The following PTPDC1 variants were observed in gnomAD, a reference collection of about 807,000 sequenced individuals.
The protein encoded by PTPDC1 is protein tyrosine phosphatase domain containing 1.
In PTPDC1, 53 loss-of-function variants were observed where a neutral mutation model predicts 75.3. That is an observed-to-expected ratio of 0.70 (90% CI 0.56 to 0.88). The LOEUF is 0.88. Among genes scored for constraint, PTPDC1 ranks in the 40% least tolerant of loss-of-function variants. PTPDC1 has a pLI of 0.00. For missense variants in PTPDC1, 925 were observed against 998.6 expected (o/e 0.93, Z 0.99); for synonymous variants, 349 against 366.2 (o/e 0.95, Z 0.54).
At chr9:94,079,427 G>T (rs1264506687) in intron 2 of PTPDC1, among the ~76,000 whole-genome samples, 4 of 152,132 alleles carry the variant, frequency 2.6e-5, no homozygotes, top group Admixed American at 2.0e-4. Flanking sequence ...CAAAGCCCTG[G>T]GTCATCTGTT....
At chr9:94,070,891 A>G (rs1298519406) in intron 2 of PTPDC1, among the ~76,000 whole-genome samples, 1 of 152,180 alleles carries the variant, frequency 6.6e-6, no homozygotes, top group Non-Finnish European at 1.5e-5. Flanking sequence ...TGGATGTACC[A>G]CAGTGTGTTT....
intron 1 of PTPDC1, among the ~76,000 whole-genome samples, chr9:94,054,603 G>A (rs1432531639): frequency 6.6e-6 from 1 of 151,898 alleles, no homozygotes; most frequent in East Asian, 1.9e-4. Context: ...TAAAAATTTG[G>A]ATTAAAAAAT....
At chr9:94,062,879 A>G (rs780619532) in intron 1 of PTPDC1, among the ~76,000 whole-genome samples, 5 of 152,222 alleles carry the variant, frequency 3.3e-5, no homozygotes, top group African/African-American at 4.8e-5. Context: ...AATAGACTCA[A>G]GGAACTCAGT....
At chr9:94,069,721 G>C (rs1564019651) in intron 2 of PTPDC1, among the ~76,000 whole-genome samples, 2 of 150,960 alleles carry the variant, frequency 1.3e-5, no homozygotes, top group East Asian at 3.9e-4. Context: ...CACCATGTTG[G>C]CCAGGCTGGT....
chr9:94,039,264 T>G (rs1246064388), intron 1 of PTPDC1, among the ~76,000 whole-genome samples: 1 of 152,176 alleles, frequency 6.6e-6, no homozygotes, highest in Non-Finnish European at 1.5e-5. Context: ...CTCAATTTTT[T>G]TATTCATTCT....
chr9:94,089,278 G>A (rs1827198890), intron 4 of PTPDC1, among the ~76,000 whole-genome samples: 1 of 142,260 alleles, frequency 7.0e-6, no homozygotes, highest in Non-Finnish European at 1.5e-5. Flanking sequence ...CCCTTCCTGT[G>A]TCCATGTAAT....
At chr9:94,053,760 C>T (rs911139157) in intron 1 of PTPDC1, among the ~76,000 whole-genome samples, 2 of 152,186 alleles carry the variant, frequency 1.3e-5, no homozygotes, top group Non-Finnish European at 2.9e-5. Context: ...AAATCTGTCA[C>T]ATAGAAAATG....
upstream of PTPDC1, among the ~76,000 whole-genome samples, chr9:94,083,432 G>A (rs982279469): frequency 2.0e-5 from 3 of 151,770 alleles, no homozygotes; most frequent in Admixed American, 2.0e-4. Context: ...TTTAAAAGGA[G>A]CTTGGTATAG....
At chr9:94,051,818 T>G (rs1251208492) in intron 1 of PTPDC1, among the ~76,000 whole-genome samples, 1 of 152,326 alleles carries the variant, frequency 6.6e-6, no homozygotes, top group South Asian at 2.1e-4. Flanking sequence ...TGATAACCTC[T>G]TTTATTCTTG....
upstream of PTPDC1, among the ~76,000 whole-genome samples, chr9:94,082,258 G>A (rs72618202): frequency 0.049 from 7,409 of 152,302 alleles, 253 homozygotes; most frequent in East Asian, 0.15. Flanking sequence ...TAACTCCTCC[G>A]TGGACTTAAG....
rs541832610 is a variant in PTPDC1 at position 94,035,726 on chromosome 9, A to G, written c.-7+4599A>G. On this transcript the variant is annotated intron_variant, in intron 1 of 9. Coordinates refer to the PTPDC1 transcript ENST00000375360. ...GACTGCCGAATAGAGTGGTAGTCCT[A>G]TTTTTAATTTTTTGAGGAAACTTTA... Among the ~76,000 whole-genome samples the G allele has an allele frequency of 5.3e-5, 8 of 152,328 alleles. No individual in the cohort carries two copies. In the East Asian group the frequency reaches 1.5e-3, roughly 29 times the overall value.
chr9:94,092,551 G>A (rs1341993955), intron 4 of PTPDC1, among the ~76,000 whole-genome samples: 8 of 151,788 alleles, frequency 5.3e-5, no homozygotes, highest in Admixed American at 2.0e-4. Flanking sequence ...TGAAAAAAAT[G>A]TATATTCTGT....
rs200873026 is a variant in PTPDC1, at chr9:94,036,023, G to GTTTTTTTTTTTTTTTTTT, written c.-7+4907_-7+4908insTTTTTTTTTTTTTTTTTT. Among the ~76,000 whole-genome samples the GTTTTTTTTTTTTTTTTTT allele has an allele frequency of 4.7e-5, 4 of 85,578 alleles. 1 individual carries two copies. The highest frequency in any genetic ancestry group is 1.6e-4 in the African/African-American group (3 of 19,246). The allele number at this position is 85,578 out of a possible 152,430, so 56.1% of individuals were successfully genotyped here. ...TTGCCCATTTTTAATCGGATTATTTGTTTTTTTTTTTGTTTTTTTTTTGCT... is the reference window on the plus strand; with the variant it reads ...TTGCCCATTTTTAATCGGATTATTTGTTTTTTTTTTTTTTTTTTTTTTTTTTTTTGTTTTTTTTTTGCT... On this transcript the variant is annotated intron_variant, in intron 1 of 9. Transcript: ENST00000375360.
At chr9:94,088,086 T>C in intron 3 of PTPDC1, 59 bp from the exon 4 acceptor site, 1 of 1,580,574 alleles carries the variant, frequency 6.3e-7, no homozygotes, top group Non-Finnish European at 8.6e-7. Context: ...ATACCAAAAA[T>C]GGTTAATTTT....
intron 6 of PTPDC1, among the ~76,000 whole-genome samples, chr9:94,099,578 A>G (rs1020317206): frequency 1.3e-5 from 2 of 152,250 alleles, no homozygotes; most frequent in South Asian, 4.1e-4. Flanking sequence ...TTTGATAAAA[A>G]TTTTGTTCTT....
chr9:94,075,434 G>A (rs977910703), intron 2 of PTPDC1, among the ~76,000 whole-genome samples: 2 of 152,178 alleles, frequency 1.3e-5, no homozygotes, highest in African/African-American at 2.4e-5. Context: ...AGATGATGTG[G>A]CATTTTTAAC....
chr9:94,090,336 A>T (rs1827266869), intron 4 of PTPDC1, among the ~76,000 whole-genome samples: 1 of 146,030 alleles, frequency 6.8e-6, no homozygotes, highest in Non-Finnish European at 1.5e-5. Context: ...TTAAATAGGG[A>T]ATCCTTTCCC....
intron 5 of PTPDC1, among the ~76,000 whole-genome samples, chr9:94,096,879 A>G (rs1827591093): frequency 6.6e-6 from 1 of 152,210 alleles, no homozygotes; most frequent in South Asian, 2.1e-4. Flanking sequence ...GGAGGTTCCA[A>G]ACACAAAGTG....
chr9:94,089,040 CT>C (rs572095911), intron 4 of PTPDC1, among the ~76,000 whole-genome samples: 1,836 of 141,064 alleles, frequency 0.013, 35 homozygotes, highest in African/African-American at 0.041. Context: ...CAGGAAATGT[CT>C]TTTTTTTTTC....
Sources: allele counts gnomAD v4.1 joint callset (sites outside exome capture counted in the v4.1 genomes callset), GRCh38; gene constraint gnomAD v4.1.1; transcripts MANE v1.5; gene names NCBI Gene and HGNC (gene_info 2026-07-23, HGNC 2026-07-21).